SPATS2: variants seen among roughly 807,000 people sequenced by gnomAD.
The protein encoded by SPATS2 is spermatogenesis associated serine rich 2.
SPATS2 carries 38 observed loss-of-function variants against 63.7 expected under a neutral mutation model. The observed-to-expected ratio is 0.60, with a 90% CI of 0.46 to 0.78. The LOEUF is 0.78. Among genes scored for constraint, SPATS2 ranks in the 30% least tolerant of loss-of-function variants. SPATS2 has a pLI of 0.00. For synonymous variants in SPATS2, 207 were observed against 232.9 expected, an observed-to-expected ratio of 0.89 and a Z score of 1.01; for missense variants, 588 against 666.2, an observed-to-expected ratio of 0.88 and a Z score of 1.29.
At chr12:49,460,492 G>A (rs1945803199) in intron 2 of SPATS2, among the ~76,000 whole-genome samples, 1 of 152,114 alleles carries the variant, frequency 6.6e-6, no homozygotes, top group Non-Finnish European at 1.5e-5. Flanking sequence ...GGTAAGAGGT[G>A]TAACATTTTA....
intron 2 of SPATS2, among the ~76,000 whole-genome samples, chr12:49,393,072 A>G (rs1024968297): frequency 5.3e-5 from 8 of 152,218 alleles, no homozygotes; most frequent in African/African-American, 7.2e-5. Flanking sequence ...TAATATAGAA[A>G]CATCTGTGTA....
chr12:49,478,803 C>T (rs1282796096), intron 3 of SPATS2, among the ~76,000 whole-genome samples: 2 of 152,156 alleles, frequency 1.3e-5, no homozygotes, highest in Non-Finnish European at 2.9e-5. Context: ...GGCCAGAAAC[C>T]TCTGTGGCCA....
At chr12:49,446,393 T>C (rs1565726392) in intron 2 of SPATS2, among the ~76,000 whole-genome samples, 1 of 152,228 alleles carries the variant, frequency 6.6e-6, no homozygotes, top group Non-Finnish European at 1.5e-5. Flanking sequence ...CTCTACAAGG[T>C]TGAAACCAAG....
At chr12:49,453,713 T>C (rs1469767237) in intron 2 of SPATS2, among the ~76,000 whole-genome samples, 2 of 151,912 alleles carry the variant, frequency 1.3e-5, no homozygotes, top group Admixed American at 6.6e-5. Context: ...CCTAGCAGGC[T>C]AAGACAGAAG....
chr12:49,376,170 TG>T (rs1944098354), intron 2 of SPATS2, among the ~76,000 whole-genome samples: 1 of 148,356 alleles, frequency 6.7e-6, no homozygotes, highest in African/African-American at 2.5e-5. Context: ...GGTGCAATCT[TG>T]GCTCACTGCA....
At chr12:49,525,868 G>C (rs1250157419) in intron 13 of SPATS2, 76 bp from the exon 14 acceptor site, 3 of 1,486,370 alleles carry the variant, frequency 2.0e-6, no homozygotes, top group Non-Finnish European at 2.7e-6. Flanking sequence ...TCTGCTTTCA[G>C]AATACTCCTG....
intron 2 of SPATS2, among the ~76,000 whole-genome samples, chr12:49,459,501 A>C (rs377356015): frequency 2.6e-5 from 4 of 151,912 alleles, no homozygotes; most frequent in Admixed American, 6.6e-5. Context: ...GGCATGCACC[A>C]CTATGCCCAG....
intron 2 of SPATS2, among the ~76,000 whole-genome samples, chr12:49,438,744 G>A (rs1206676953): frequency 6.6e-6 from 1 of 152,142 alleles, no homozygotes; most frequent in East Asian, 1.9e-4. Flanking sequence ...ATGGCTTAAT[G>A]AATTATTTAT....
Position 49,494,946 on chromosome 12 carries a change from A to G in SPATS2, c.470A>G (p.Asp157Gly). Residue 157 changes from aspartate to glycine, a missense_variant, in exon 7 of 14, where the codon GAT becomes GGT. Asp to Gly is a moderately conservative substitution (Grantham distance 94). Coordinates refer to ENST00000552918, the MANE Select transcript of SPATS2 (RefSeq NM_023071.4). ...LSEGLETLSI[D>G]ARELEDPESA... Reference sequence around the variant, plus strand: ...GAAGGTTTGGAGACACTTTCAATAGATGCCAGAGAATTGGAGGATCCCGAG... The same window carrying G: ...GAAGGTTTGGAGACACTTTCAATAGGTGCCAGAGAATTGGAGGATCCCGAG... The G allele has an allele frequency of 6.2e-7, 1 of 1,613,990 alleles. No homozygotes were observed. The highest frequency in any genetic ancestry group is 8.5e-7 in the Non-Finnish European group (1 of 1,179,958).
Position 49,401,048 on chromosome 12 carries a change from A to AT in SPATS2, c.-244+29767dup, listed in dbSNP as rs369405437. ...CCACAACGCCTGACTAATTTTTTTG[A>AT]TTTTTTTTTGTAGAGACAAAGTCTT... On this transcript the variant is annotated intron_variant, in intron 2 of 13. Coordinates refer to ENST00000552918, the MANE Select transcript of SPATS2 (RefSeq NM_023071.4). 8.0e-5 allele frequency among the ~76,000 whole-genome samples: 12 copies of AT among 150,426 alleles called. No individual in the cohort carries two copies. In the South Asian group the frequency reaches 8.4e-4, roughly 11 times the overall value.
chr12:49,474,005 C>T (rs766165576), intron 3 of SPATS2, among the ~76,000 whole-genome samples: 3 of 152,192 alleles, frequency 2.0e-5, no homozygotes, highest in African/African-American at 7.2e-5. Flanking sequence ...AGGAAGACTT[C>T]TAAGTACTAG....
At chr12:49,500,313 GGA>G (rs1422785710) in intron 9 of SPATS2, 108 bp downstream of exon 9, 1 of 1,230,082 alleles carries the variant, frequency 8.1e-7, no homozygotes, top group Non-Finnish European at 1.1e-6. Flanking sequence ...CTACATAGTA[GGA>G]GAGACTTATA....
intron 2 of SPATS2, among the ~76,000 whole-genome samples, chr12:49,444,353 G>A (rs1324969013): frequency 6.6e-6 from 1 of 151,758 alleles, no homozygotes; most frequent in Non-Finnish European, 1.5e-5. Context: ...GAGTAGCTGG[G>A]ACTGTAGTTG....
chr12:49,502,513 C>T (rs565742723), intron 9 of SPATS2, among the ~76,000 whole-genome samples: 13 of 152,220 alleles, frequency 8.5e-5, no homozygotes, highest in Admixed American at 2.0e-4. Flanking sequence ...TGCGGTGGCA[C>T]GGTCATGGCT....
chr12:49,438,564 C>G (rs570938793), intron 2 of SPATS2, among the ~76,000 whole-genome samples: 16 of 152,288 alleles, frequency 1.1e-4, no homozygotes, highest in Non-Finnish European at 1.9e-4. Context: ...ATTTGAGAAT[C>G]TAGTTGGTCC....
rs61286331 is a variant in SPATS2 at position 49,516,199 on chromosome 12, AT to A, written c.898+1587del. 2.5e-3 allele frequency among the ~76,000 whole-genome samples: 281 copies of A among 113,122 alleles called. 16 individuals are homozygous for A. The highest frequency in any genetic ancestry group is 4.2e-3 in the Middle Eastern group (1 of 238). 74.2% of individuals were successfully genotyped at this position (113,122 alleles called of 152,430 possible). A position where few individuals can be genotyped will look rare whatever the true frequency, so the allele number is the denominator to read the frequency against. On this transcript the variant is annotated intron_variant, in intron 10 of 13. Transcript: ENST00000552918. ...TATATATATATATATATATATATAT[AT>A]ATATATATAAATCAGGCATGGGGTC...
chr12:49,520,315 A>G (rs1946919088), intron 11 of SPATS2, among the ~76,000 whole-genome samples: 1 of 151,874 alleles, frequency 6.6e-6, no homozygotes, highest in Non-Finnish European at 1.5e-5. Flanking sequence ...ATGGGGTTTC[A>G]TGATGTTGGC....
chr12:49,515,836 G>A (rs1946828857), intron 10 of SPATS2, among the ~76,000 whole-genome samples: 2 of 151,614 alleles, frequency 1.3e-5, no homozygotes, highest in South Asian at 2.1e-4. Context: ...GTGAAACCTC[G>A]TCTCTACAAA....
intron 2 of SPATS2, among the ~76,000 whole-genome samples, chr12:49,449,617 C>T (rs1592407875): frequency 6.6e-6 from 1 of 152,264 alleles, no homozygotes; most frequent in East Asian, 1.9e-4. Flanking sequence ...ACTCACAGTT[C>T]CACATGGCTG....
Sources: gnomAD v4.1 joint callset for allele counts (sites outside exome capture counted in the v4.1 genomes callset) on GRCh38, gnomAD v4.1.1 for gene constraint, MANE v1.5 for transcripts, NCBI Gene and HGNC (gene_info 2026-07-23, HGNC 2026-07-21) for gene names.